Variants in SHROOM2 observed in about 807,000 individuals in gnomAD.
SHROOM2 encodes the protein shroom family member 2.
SHROOM2 carries 33 observed loss-of-function variants against 75.9 expected under a neutral mutation model. The ratio of observed to expected loss-of-function variants is 0.43; its 90% confidence interval spans 0.33 to 0.58. The LOEUF is 0.58. SHROOM2 is among the 20% of genes least tolerant of loss of function. The probability of loss-of-function intolerance (pLI) is 0.04; values close to 1 mark genes in which losing one functional copy is unlikely to be tolerated. For missense variants in SHROOM2, 1,434 were observed against 1,461.2 expected (o/e 0.98, Z 0.30); for synonymous variants, 655 against 663.6 (o/e 0.99, Z 0.20).
intron 5 of SHROOM2, among the ~76,000 whole-genome samples, chrX:9,903,469 C>T (rs2084375335): frequency 8.9e-6 from 1 of 112,558 alleles, no homozygotes; most frequent in Non-Finnish European, 1.9e-5. Context: ...GTAACACCCT[C>T]ACCCCAGAAG....
At chrX:9,913,382 T>G (rs774682722) in intron 5 of SHROOM2, among the ~76,000 whole-genome samples, 11 of 112,669 alleles carry the variant, frequency 9.8e-5, no homozygotes, top group Non-Finnish European at 1.7e-4. Context: ...TTCTTAGCAT[T>G]TTCCAGTTCT....
chrX:9,836,892 C>T (rs2083949044), intron 1 of SHROOM2, among the ~76,000 whole-genome samples: 1 of 112,250 alleles, frequency 8.9e-6, no homozygotes, highest in African/African-American at 3.2e-5. Flanking sequence ...CCCACCACAG[C>T]CCCAGGCAAC....
At chrX:9,887,813 C>T (rs1194967925) in intron 2 of SHROOM2, among the ~76,000 whole-genome samples, 3 of 112,880 alleles carry the variant, frequency 2.7e-5, no homozygotes, top group Non-Finnish European at 5.6e-5. Context: ...GTCGCAGGGG[C>T]GTAGCAGCAT....
At chrX:9,856,310 G>A (rs779508133) in intron 1 of SHROOM2, among the ~76,000 whole-genome samples, 1 of 111,317 alleles carries the variant, frequency 9.0e-6, no homozygotes, top group African/African-American at 3.3e-5. Flanking sequence ...CTACCTCCGT[G>A]TAGCCCCATT....
intron 1 of SHROOM2, among the ~76,000 whole-genome samples, chrX:9,840,428 G>A (rs1251603924): frequency 2.7e-5 from 3 of 111,079 alleles, no homozygotes. Context: ...CCACCACACT[G>A]GCTAATTTTT....
intron 5 of SHROOM2, among the ~76,000 whole-genome samples, chrX:9,917,552 G>T (rs963070582): frequency 8.1e-5 from 9 of 110,789 alleles, no homozygotes; most frequent in Non-Finnish European, 1.3e-4. Context: ...ATGGAGTCTC[G>T]CTCTGTCACC....
At chrX:9,921,866 G>A (rs1602002380) in intron 5 of SHROOM2, among the ~76,000 whole-genome samples, 1 of 111,612 alleles carries the variant, frequency 9.0e-6, no homozygotes, top group East Asian at 2.8e-4. Context: ...TGCTTAGGTG[G>A]CTTCCATGCC....
chrX:9,914,770 G>C (rs984339464), intron 5 of SHROOM2, among the ~76,000 whole-genome samples: 47 of 112,252 alleles, frequency 4.2e-4, no homozygotes, highest in Admixed American at 1.5e-3. Context: ...GGGGTGACTA[G>C]ATTCTCACAA....
At chrX:9,887,067 G>T (rs2084264963) in intron 2 of SHROOM2, among the ~76,000 whole-genome samples, 1 of 112,235 alleles carries the variant, frequency 8.9e-6, no homozygotes, top group Non-Finnish European at 1.9e-5. Context: ...AGGCTTCTGT[G>T]GTCACTGCCT....
intron 1 of SHROOM2, among the ~76,000 whole-genome samples, chrX:9,839,501 G>T (rs939912869): frequency 9.0e-6 from 1 of 111,123 alleles, no homozygotes; most frequent in African/African-American, 3.3e-5. Context: ...TCACACATGC[G>T]CCCCCTTGCC....
chrX:9,948,156 ACAAACAGCC>A lies in SHROOM2; in HGVS notation c.*1223_*1231del, dbSNP rs1364619998. 8.9e-6 allele frequency: 1 copy of A among 112,402 alleles called. No individual in the cohort carries two copies. The highest frequency in any genetic ancestry group is 2.8e-4 in the East Asian group (1 of 3,597). The allele number at this position is 112,402 out of a possible 1,213,427, so 9.3% of individuals were successfully genotyped here. ...AACTCTCAAACCGGATAGTAAGAAA[ACAAACAGCC>A]CAAGTGAAAAGCAGGCAAAAGACTT... On this transcript the variant is annotated 3_prime_UTR_variant, in exon 10 of 10. Coordinates refer to ENST00000380913, the MANE Select transcript of SHROOM2 (RefSeq NM_001649.4).
intron 1 of SHROOM2, among the ~76,000 whole-genome samples, chrX:9,792,098 ATAG>A (rs2083661553): frequency 3.0e-4 from 5 of 16,395 alleles, no homozygotes; most frequent in Admixed American, 1.2e-3. Context: ...ATAGAATAGA[ATAG>A]AATAGAATAG....
At chrX:9,808,263 A>T (rs1004032411) in intron 1 of SHROOM2, among the ~76,000 whole-genome samples, 49 of 109,480 alleles carry the variant, frequency 4.5e-4, no homozygotes, top group Admixed American at 3.2e-3. Context: ...TTTTTTAATT[A>T]TTAAAAATGG....
At chrX:9,802,490 G>A (rs1479683625) in intron 1 of SHROOM2, among the ~76,000 whole-genome samples, 1 of 111,464 alleles carries the variant, frequency 9.0e-6, no homozygotes, top group Non-Finnish European at 1.9e-5. Flanking sequence ...TTTGTGGAAG[G>A]CTTTGCTCAG....
At chrX:9,927,429 A>T (rs188193620) in intron 5 of SHROOM2, among the ~76,000 whole-genome samples, 1 of 106,289 alleles carries the variant, frequency 9.4e-6, no homozygotes, top group African/African-American at 3.4e-5. Context: ...TCCTTAAGTC[A>T]TCTGCAAGAT....
chrX:9,946,910 C>G lies in SHROOM2; in HGVS notation c.4824C>G (p.Asp1608Glu). ...AAGAGCAGCTGAAGTGCTTATTGGA[C>G]AGCCTTCAGCCCGAAAGGGGCAAAT... is the stretch of plus-strand genomic sequence containing the variant. ...LGEEQLKCLL[D>E]SLQPERGK The change falls in exon 10 of 10, where the codon GAC (aspartate) becomes GAG (glutamate). Residue 1608 changes from aspartate (D) to glutamate (E), a missense_variant. Physicochemically the swap from Asp to Glu is conservative, Grantham distance 45. This residue lies in a region of SHROOM2 where 80 missense variants were observed against 88.4 expected (regional missense o/e 0.90). Coordinates refer to ENST00000380913, the MANE Select transcript of SHROOM2 (RefSeq NM_001649.4). 8.4e-7 allele frequency: 1 copy of G among 1,196,607 alleles called. No homozygotes were observed.
chrX:9,788,676 G>C (rs981805849), intron 1 of SHROOM2, among the ~76,000 whole-genome samples: 4 of 110,944 alleles, frequency 3.6e-5, no homozygotes, highest in Non-Finnish European at 7.5e-5. Flanking sequence ...CATCTGCTTG[G>C]GTCTGGGATC....
chrX:9,919,456 TGA>T (rs2084522025), intron 5 of SHROOM2, among the ~76,000 whole-genome samples: 2 of 103,625 alleles, frequency 1.9e-5, no homozygotes, highest in Non-Finnish European at 3.9e-5. Flanking sequence ...CTTAGCCTCC[TGA>T]GTAGCTGGGA....
chrX:9,812,793 G>T (rs2146742001), intron 1 of SHROOM2, among the ~76,000 whole-genome samples: 1 of 112,489 alleles, frequency 8.9e-6, no homozygotes, highest in East Asian at 2.8e-4. Flanking sequence ...GACAGTAAAG[G>T]TATATTGCTG....
Sources: gnomAD v4.1 joint callset for allele counts (sites outside exome capture counted in the v4.1 genomes callset) on GRCh38, gnomAD v4.1.1 for gene constraint, gnomAD v4.1.1 regional missense constraint, MANE v1.5 for transcripts, NCBI Gene and HGNC (gene_info 2026-07-23, HGNC 2026-07-21) for gene names.